Variants in LETMD1 observed in about 807,000 individuals in gnomAD.
LETMD1 encodes LETM1 domain-containing protein 1.
Under a neutral mutation model 43.9 loss-of-function variants are expected in LETMD1, and 30 were observed. That is an observed-to-expected ratio of 0.68 (90% CI 0.51 to 0.93). The LOEUF is 0.93. Ranked by LOEUF, LETMD1 falls within the 40% of genes least tolerant of loss-of-function variation. The pLI, the probability that LETMD1 is intolerant of heterozygous loss-of-function variation, is 0.00. For synonymous variants in LETMD1, 176 were observed against 163.1 expected (o/e 1.08, Z -0.60); for missense variants, 413 against 447.7 (o/e 0.92, Z 0.70).
intron 8 of LETMD1, chr12:51,058,454 T>C (rs1288724027): frequency 8.0e-6 from 2 of 251,544 alleles, no homozygotes; most frequent in Non-Finnish European, 1.5e-5. Flanking sequence ...GTTTCGCTCT[T>C]GTTGCCCAGG....
chr12:51,068,919 T>G, the LETMD1 span, among the ~76,000 whole-genome samples: 1 of 152,228 alleles, frequency 6.6e-6, no homozygotes, highest in African/African-American at 2.4e-5. Context: ...AAAGCAAATA[T>G]ATTAACAGGT....
At chr12:51,055,699 G>GAAAAAA in intron 4 of LETMD1, 136 bp from the exon 5 acceptor site, 1 of 267,122 alleles carries the variant, frequency 3.7e-6, no homozygotes, top group Non-Finnish European at 6.8e-6. Context: ...AACTGAAAAA[G>GAAAAAA]AAAAAGAACA....
chr12:51,049,761 CCT>C (rs1217529995), intron 2 of LETMD1, among the ~76,000 whole-genome samples: 1 of 152,138 alleles, frequency 6.6e-6, no homozygotes, highest in African/African-American at 2.4e-5. Context: ...TTAATTAACC[CCT>C]CTTTCCTTGG....
chr12:51,048,387 T>C lies in LETMD1; in HGVS notation c.31T>C (p.Ser11Pro). 2 of 1,614,112 alleles carry C rather than the reference T, an allele frequency of 1.2e-6. No individual in the cohort carries two copies. The highest frequency in any genetic ancestry group is 1.1e-5 in the South Asian group (1 of 91,064). MALSRVCWARSAVWGSAVTPG... is the reference protein window; with the variant it reads MALSRVCWARPAVWGSAVTPG... ...GCTCTCCAGGGTGTGCTGGGCTCGGTCGGCTGTGTGGGGCTCGGCAGTCAC... is the reference window on the plus strand; with the variant it reads ...GCTCTCCAGGGTGTGCTGGGCTCGGCCGGCTGTGTGGGGCTCGGCAGTCAC... The change falls in exon 1 of 9, where the codon TCG (serine) becomes CCG (proline). Residue 11 changes from serine to proline, a missense_variant. Transcript: ENST00000262055.
intron 2 of LETMD1, among the ~76,000 whole-genome samples, chr12:51,050,282 G>T (rs1270980566): frequency 1.3e-5 from 2 of 151,286 alleles, no homozygotes; most frequent in Admixed American, 6.6e-5. Flanking sequence ...GAGTGCAATG[G>T]CATGATCTCG....
the LETMD1 span, among the ~76,000 whole-genome samples, chr12:51,067,205 A>G: frequency 6.6e-6 from 1 of 152,176 alleles, no homozygotes; most frequent in Non-Finnish European, 1.5e-5. The surrounding 1 kb of genome is among the most constrained non-coding windows in gnomAD (Gnocchi z 4.1). Context: ...ATCAGTATTT[A>G]GGAAACATTT....
At chr12:51,050,843 G>C (rs1228811375) in intron 2 of LETMD1, among the ~76,000 whole-genome samples, 1 of 150,692 alleles carries the variant, frequency 6.6e-6, no homozygotes, top group East Asian at 2.0e-4. Context: ...GAGAAGCACC[G>C]TCTCTACTAA....
At chr12:51,062,685 C>T (rs375191968), downstream of LETMD1, 23 of 152,046 alleles carry the variant, frequency 1.5e-4, no homozygotes, top group East Asian at 7.7e-4. Flanking sequence ...AACTCTAACC[C>T]GCTATGTTGA....
downstream of LETMD1, chr12:51,063,130 T>C (rs970492578): frequency 3.3e-4 from 50 of 152,112 alleles, no homozygotes; most frequent in African/African-American, 1.2e-3. Context: ...ATCCCCAGTG[T>C]GGGGAACAGG....
At chr12:51,061,761 TG>T (rs1250927234), downstream of LETMD1, 2 of 152,216 alleles carry the variant, frequency 1.3e-5, no homozygotes, top group Admixed American at 1.3e-4. Flanking sequence ...ATCGTGCAGC[TG>T]GAATCTACTT....
the LETMD1 span, chr12:51,067,636 G>C: frequency 1.9e-6 from 3 of 1,594,080 alleles, no homozygotes; most frequent in Non-Finnish European, 2.6e-6. This position sits in a 1 kb window ranked among gnomAD's most constrained non-coding sequence, Gnocchi z 4.1. Flanking sequence ...CGCTGACCCT[G>C]GTGTAGATAT....
chr12:51,064,873 C>G (rs1284414305), downstream of LETMD1, among the ~76,000 whole-genome samples: 4 of 152,208 alleles, frequency 2.6e-5, no homozygotes. Context: ...AATCCCAGCT[C>G]AGCCATTAAT....
the LETMD1 span, among the ~76,000 whole-genome samples, chr12:51,066,620 G>A: frequency 5.3e-5 from 7 of 131,238 alleles, no homozygotes; most frequent in Non-Finnish European, 8.1e-5. Context: ...CAGCCTGGGC[G>A]ACAGAACGAG....
At chr12:51,048,275 C>T (rs532118923), upstream of LETMD1, 2 of 1,580,862 alleles carry the variant, frequency 1.3e-6, no homozygotes, top group South Asian at 2.2e-5. Context: ...AGAAAAGACG[C>T]ATGCGTCTTC....
At chr12:51,062,865 GTTCCCGCT>G (rs1937712672), downstream of LETMD1, 1 of 152,602 alleles carries the variant, frequency 6.6e-6, no homozygotes, top group Non-Finnish European at 1.5e-5. Context: ...CAAGCAGCCT[GTTCCCGCT>G]GCCTCCTTTG....
intron 8 of LETMD1, chr12:51,059,081 G>C: frequency 4.9e-6 from 2 of 405,082 alleles, no homozygotes; most frequent in South Asian, 5.0e-5. Flanking sequence ...ACTTCTACCA[G>C]AAGAATCCCA....
chr12:51,049,063 C>G lies in LETMD1; in HGVS notation c.152C>G (p.Ala51Gly). The change falls in exon 2 of 9, where the codon GCA becomes GGA. Residue 51 changes from alanine (A) to glycine (G), a missense_variant. Physicochemically the swap from Ala to Gly is moderately conservative, Grantham distance 60. Transcript: ENST00000262055. Reference protein sequence around the residue: ...RSSKLHLSPKADVKNLMSYVV... With the variant: ...RSSKLHLSPKGDVKNLMSYVV... ...TCAAAGCTTCACCTTTCTCCAAAGG[C>G]AGATGTGAAGAACTTGATGTCTTAT... 1 of 1,614,072 alleles carries G rather than the reference C, an allele frequency of 6.2e-7. No individual in the cohort carries two copies. The highest frequency in any genetic ancestry group is 2.2e-5 in the East Asian group (1 of 44,888).
At chr12:51,063,853 G>A (rs752721903), downstream of LETMD1, 6 of 1,614,074 alleles carry the variant, frequency 3.7e-6, no homozygotes, top group Admixed American at 3.3e-5. Flanking sequence ...GTGCGGAAGG[G>A]GAGGCTTGAG....
chr12:51,054,838 C>T lies in LETMD1; in HGVS notation c.473+978C>T, dbSNP rs538709850. 5.9e-5 allele frequency among the ~76,000 whole-genome samples: 9 copies of T among 152,292 alleles called. 1 individual carries two copies. The South Asian group carries it at 1.4e-3, about 25-fold the overall frequency. On this transcript the variant is annotated intron_variant, in intron 4 of 8. Transcript: ENST00000262055. ...AATCGTGGCCAGGTGCAGTGGCTCA[C>T]GCCTGTAATCCCAGCACTTTGGGAG...
Sources: allele counts gnomAD v4.1 joint callset (sites outside exome capture counted in the v4.1 genomes callset), GRCh38; gene constraint gnomAD v4.1.1; non-coding constraint Gnocchi (gnomAD v3.1); transcripts MANE v1.5; gene names NCBI Gene and HGNC (gene_info 2026-07-23, HGNC 2026-07-21).